The following LRPPRC variants were observed in gnomAD, a reference collection of about 807,000 sequenced individuals.
LRPPRC encodes the protein leucine rich pentatricopeptide repeat containing.
In LRPPRC, 120 loss-of-function variants were observed where a neutral mutation model predicts 180.3. That is an observed-to-expected ratio of 0.67 (90% confidence interval 0.57 to 0.77). LRPPRC has a LOEUF of 0.77. LRPPRC is among the 30% of genes least tolerant of loss of function. LRPPRC has a pLI of 0.00. For synonymous variants in LRPPRC, 723 were observed against 600.0 expected (o/e 1.21, Z -3.00); for missense variants, 2,012 against 1,657.2 (o/e 1.21, Z -3.72).
chr2:43,923,367 C>T (rs965749239), intron 27 of LRPPRC, among the ~76,000 whole-genome samples: 1 of 152,032 alleles, frequency 6.6e-6, no homozygotes, highest in Non-Finnish European at 1.5e-5. Flanking sequence ...TGGCACATGC[C>T]TGTACTCCCA....
chr2:43,982,767 G>A (rs1674368595), intron 1 of LRPPRC, among the ~76,000 whole-genome samples: 1 of 152,152 alleles, frequency 6.6e-6, no homozygotes. Context: ...ACAAGGTAAT[G>A]ACAGAAGATG....
chr2:43,993,714 T>C (rs980299238), intron 1 of LRPPRC, among the ~76,000 whole-genome samples: 1 of 147,640 alleles, frequency 6.8e-6, no homozygotes, highest in Non-Finnish European at 1.5e-5. Context: ...AGTCCTGCTC[T>C]CATATAGCTT....
intron 1 of LRPPRC, among the ~76,000 whole-genome samples, chr2:43,995,242 T>A (rs1338203669): frequency 6.6e-6 from 1 of 152,164 alleles, no homozygotes; most frequent in Non-Finnish European, 1.5e-5. Context: ...TCTTAAATGC[T>A]GAAGGAAAAC....
chr2:43,948,843 A>AT (rs1425082693), intron 16 of LRPPRC, among the ~76,000 whole-genome samples: 1 of 152,102 alleles, frequency 6.6e-6, no homozygotes, highest in Non-Finnish European at 1.5e-5. Context: ...ATCACACGTA[A>AT]TAAGAATAAA....
intron 25 of LRPPRC, among the ~76,000 whole-genome samples, chr2:43,930,327 T>C (rs1372356062): frequency 1.3e-5 from 2 of 152,112 alleles, no homozygotes. Flanking sequence ...ATCATGGACG[T>C]AGGATGGTAC....
chr2:43,914,354 G>A (rs187286163), intron 29 of LRPPRC, among the ~76,000 whole-genome samples: 297 of 152,160 alleles, frequency 2.0e-3, no homozygotes, highest in Non-Finnish European at 3.3e-3. Flanking sequence ...AAATGTTAAT[G>A]TAAGCATTCA....
intron 32 of LRPPRC, among the ~76,000 whole-genome samples, chr2:43,900,875 T>C (rs1417816101): frequency 1.3e-5 from 2 of 151,584 alleles, no homozygotes; most frequent in African/African-American, 4.9e-5. Flanking sequence ...TCCCTTTTTG[T>C]GGGGGTGGGA....
chr2:43,910,978 T>C (rs1359413630), intron 30 of LRPPRC, among the ~76,000 whole-genome samples: 4 of 152,054 alleles, frequency 2.6e-5, no homozygotes, highest in Non-Finnish European at 4.4e-5. Context: ...CTTCTCTTTT[T>C]TCTGGCTCTC....
chr2:43,909,521 A>T (rs1288945346), intron 30 of LRPPRC, among the ~76,000 whole-genome samples: 1 of 152,140 alleles, frequency 6.6e-6, no homozygotes, highest in Non-Finnish European at 1.5e-5. Context: ...TCTATACAGC[A>T]TAGTGCTAAC....
chr2:43,956,375 T>C (rs1325218945), intron 14 of LRPPRC, among the ~76,000 whole-genome samples: 1 of 152,128 alleles, frequency 6.6e-6, no homozygotes, highest in Non-Finnish European at 1.5e-5. Context: ...GATACTGATG[T>C]TGTGATTTTA....
chr2:43,907,756 C>T (rs887855317), intron 30 of LRPPRC, among the ~76,000 whole-genome samples: 3 of 152,178 alleles, frequency 2.0e-5, no homozygotes, highest in East Asian at 1.9e-4. Context: ...TTTCAATTTA[C>T]GACCAACTGC....
At chr2:43,941,459 T>C (rs1045249731) in intron 23 of LRPPRC, among the ~76,000 whole-genome samples, 3 of 152,194 alleles carry the variant, frequency 2.0e-5, no homozygotes, top group African/African-American at 7.2e-5. Context: ...TAAAGCTCAT[T>C]TGCCAGATGA....
intron 22 of LRPPRC, among the ~76,000 whole-genome samples, chr2:43,944,824 T>C (rs914509402): frequency 3.3e-5 from 5 of 152,116 alleles, no homozygotes; most frequent in Admixed American, 6.6e-5. Flanking sequence ...TAATCAGCTA[T>C]GCTTTTTCCA....
intron 14 of LRPPRC, among the ~76,000 whole-genome samples, 166 bp from the exon 15 acceptor site, chr2:43,950,766 C>A (rs1436027717): frequency 6.6e-6 from 1 of 152,208 alleles, no homozygotes; most frequent in Admixed American, 6.5e-5. Context: ...CTGACACTCA[C>A]CCACCTCAAA....
At chr2:43,915,329 G>A (rs1671427211) in intron 29 of LRPPRC, among the ~76,000 whole-genome samples, 3 of 144,884 alleles carry the variant, frequency 2.1e-5, no homozygotes, top group South Asian at 2.2e-4. Flanking sequence ...TTTATACTTC[G>A]CTTTCAAAGA....
intron 27 of LRPPRC, among the ~76,000 whole-genome samples, chr2:43,924,598 G>C (rs915390727): frequency 7.2e-5 from 11 of 152,010 alleles, no homozygotes; most frequent in African/African-American, 2.7e-4. Flanking sequence ...ATATATAGCT[G>C]ACTCAAAAAT....
intron 1 of LRPPRC, among the ~76,000 whole-genome samples, chr2:43,990,939 G>A (rs1359809587): frequency 3.3e-5 from 5 of 151,116 alleles, no homozygotes; most frequent in Non-Finnish European, 7.4e-5. Flanking sequence ...TCCACCTCCC[G>A]GGTTCAAGCA....
At position 43,943,920 on chromosome 2, in the gene LRPPRC, C is replaced by G. The variant is rs758128276; in HGVS notation, c.2297-26G>C. On this transcript the variant is annotated intron_variant, in intron 22 of 37. Transcript: ENST00000260665. Reference sequence around the variant, plus strand: ...CTACAATGAAGTAACACAAAAGACCCTTAGGTAATTTCATGTAGGGAAAAC... The same window carrying G: ...CTACAATGAAGTAACACAAAAGACCGTTAGGTAATTTCATGTAGGGAAAAC... The G allele has an allele frequency of 3.9e-6, 6 of 1,544,952 alleles. No individual in the cohort carries two copies. In the East Asian group the frequency reaches 1.1e-4, roughly 29 times the overall value.
chr2:43,919,900 T>C (rs901549233), intron 27 of LRPPRC, among the ~76,000 whole-genome samples: 7 of 151,834 alleles, frequency 4.6e-5, no homozygotes, highest in Admixed American at 6.6e-5. Flanking sequence ...CCAGACAACA[T>C]GAATACATTT....
Sources: allele counts gnomAD v4.1 joint callset (sites outside exome capture counted in the v4.1 genomes callset), GRCh38; gene constraint gnomAD v4.1.1; transcripts MANE v1.5; gene names NCBI Gene and HGNC (gene_info 2026-07-23, HGNC 2026-07-21).